Variants in KALRN observed in about 807,000 individuals in gnomAD.
KALRN encodes kalirin RhoGEF kinase.
Under a neutral mutation model 353.7 loss-of-function variants are expected in KALRN, and 70 were observed. The observed-to-expected ratio is 0.20, with a 90% CI of 0.16 to 0.24. The LOEUF is 0.24. KALRN is among the 10% of genes least tolerant of loss of function. The pLI is 1.00. For synonymous variants in KALRN, 1,391 were observed against 1,434.8 expected (o/e 0.97, Z 0.69); for missense variants, 2,791 against 3,756.7 (o/e 0.74, Z 6.72).
chr3:124,087,507 G>A (rs942545760), intron 1 of KALRN, among the ~76,000 whole-genome samples: 16 of 152,110 alleles, frequency 1.1e-4, no homozygotes, highest in Admixed American at 5.2e-4. Flanking sequence ...CGATCTCATC[G>A]AATCATGGGG....
chr3:124,486,248 G>A (rs9867038), intron 28 of KALRN, among the ~76,000 whole-genome samples: 58,600 of 151,938 alleles, frequency 0.39, 11,991 homozygotes, highest in Middle Eastern at 0.5. Flanking sequence ...AAATTGTTTT[G>A]GGCAGGGGGG....
At chr3:124,628,754 TTTTTTTTTTTTTTTTTG>T (rs71145466) in intron 34 of KALRN, among the ~76,000 whole-genome samples, 26,187 of 108,752 alleles carry the variant, frequency 0.24, 2,694 homozygotes, top group East Asian at 0.38. Flanking sequence ...TTTTTTTTTT[TTTTTTTTTTTTTTTTTG>T]TAGAGACGGA....
rs577733253 is a variant in KALRN, at chr3:124,072,753, G to A, written c.73+38940G>A. On this transcript the variant is annotated intron_variant, in intron 1 of 59. Transcript: ENST00000682506. ...ATCTCAGGGATATTGGCTGAAATGCGATTGTAATTTAGTAATATAAAACCT... is the reference window on the plus strand; with the variant it reads ...ATCTCAGGGATATTGGCTGAAATGCAATTGTAATTTAGTAATATAAAACCT... 1.2e-4 allele frequency among the ~76,000 whole-genome samples: 18 copies of A among 152,348 alleles called. No homozygotes were observed. The Middle Eastern group carries it at 0.01, about 86-fold the overall frequency.
intron 33 of KALRN, among the ~76,000 whole-genome samples, chr3:124,510,650 G>T (rs1260123507): frequency 6.6e-6 from 1 of 151,950 alleles, no homozygotes; most frequent in Non-Finnish European, 1.5e-5. Context: ...ACAAGTTCTG[G>T]ATCTCCTTCT....
intron 33 of KALRN, chr3:124,518,581 G>A: frequency 6.3e-7 from 1 of 1,597,442 alleles, no homozygotes; most frequent in Non-Finnish European, 8.5e-7. Context: ...GCTGGTGTGG[G>A]GTGCAGCCTT....
chr3:124,539,922 T>TTGG (rs760016132), intron 33 of KALRN, among the ~76,000 whole-genome samples: 13 of 132,006 alleles, frequency 9.8e-5, no homozygotes, highest in African/African-American at 2.2e-4. Flanking sequence ...TAATTTTTTT[T>TTGG]GGGGGGGGGG....
intron 6 of KALRN, among the ~76,000 whole-genome samples, chr3:124,303,243 CAT>C (rs2077407553): frequency 6.6e-6 from 1 of 152,044 alleles, no homozygotes; most frequent in Non-Finnish European, 1.5e-5. Flanking sequence ...TTTATCATAA[CAT>C]GTGTTTTTGA....
intron 3 of KALRN, among the ~76,000 whole-genome samples, chr3:124,242,592 A>G (rs2080608731): frequency 6.6e-6 from 1 of 152,200 alleles, no homozygotes; most frequent in Non-Finnish European, 1.5e-5. Flanking sequence ...GCGGTAGGGA[A>G]GGGCACCAAC....
Position 124,430,604 on chromosome 3 carries a change from C to G in KALRN, c.2710-52C>G. 6 of 1,604,436 alleles carry G rather than the reference C, an allele frequency of 3.7e-6. No homozygotes were observed. The South Asian group carries it at 6.6e-5, about 18-fold the overall frequency. ...GTCCCCATGAGAGGAGGCAACAGCT[C>G]TGGGGAAACTGCGGAAGGCCATTCA... On this transcript the variant is annotated intron_variant, in intron 15 of 59. Transcript: ENST00000682506.
intron 1 of KALRN, among the ~76,000 whole-genome samples, chr3:124,065,210 G>T (rs536439663): frequency 6.6e-6 from 1 of 152,200 alleles, no homozygotes; most frequent in Non-Finnish European, 1.5e-5. Flanking sequence ...ATATAGCATC[G>T]TGATGATAGG....
chr3:124,115,919 A>T (rs1468289591), intron 1 of KALRN, among the ~76,000 whole-genome samples: 1 of 152,232 alleles, frequency 6.6e-6, no homozygotes, highest in East Asian at 1.9e-4. Flanking sequence ...GATTGTCAAC[A>T]AAAATGGGGA....
intron 1 of KALRN, 82 bp from the exon 2 acceptor site, chr3:124,227,908 A>C: frequency 9.2e-7 from 1 of 1,086,558 alleles, no homozygotes; most frequent in Non-Finnish European, 1.4e-6. Context: ...TGATGATGGG[A>C]TTGGGAGACT....
intron 10 of KALRN, among the ~76,000 whole-genome samples, chr3:124,370,544 C>T (rs565270700): frequency 6.6e-5 from 10 of 152,318 alleles, no homozygotes; most frequent in African/African-American, 2.4e-4. Context: ...GGTCTTTGCT[C>T]TTGACCAGTC....
chr3:124,134,051 A>G (rs2065627974), intron 1 of KALRN, among the ~76,000 whole-genome samples: 1 of 152,172 alleles, frequency 6.6e-6, no homozygotes, highest in Admixed American at 6.5e-5. Context: ...TTTGGAACCA[A>G]AAAGAGAGCC....
chr3:124,507,650 A>G (rs1286755402), intron 33 of KALRN, among the ~76,000 whole-genome samples: 1 of 152,220 alleles, frequency 6.6e-6, no homozygotes, highest in Non-Finnish European at 1.5e-5. Context: ...TTCTGAGTTC[A>G]CACCCCAATT....
In KALRN at chr3:124,694,406, G is replaced by C. The variant is rs2061961116; in HGVS notation, c.7480G>C (p.Val2494Leu). Residue 2494 changes from valine to leucine, a missense_variant, in exon 53 of 60, where the codon GTC (valine) becomes CTC (leucine). Physicochemically the swap from Val to Leu is conservative, Grantham distance 32 (BLOSUM62 1). This residue lies in a region of KALRN where 1,065 missense variants were observed against 1,156.4 expected (regional missense o/e 0.92). Coordinates refer to ENST00000682506, the MANE Select transcript of KALRN (RefSeq NM_001388419.1). ...LGDTVILQCK[V>L]CGRPKPTITW... ...GGACACAGTGATACTGCAGTGCAAAGTCTGTGGGCGGCCAAAGCCCACCAT... is the reference window on the plus strand; with the variant it reads ...GGACACAGTGATACTGCAGTGCAAACTCTGTGGGCGGCCAAAGCCCACCAT... The C allele has an allele frequency of 6.2e-7, 1 of 1,614,240 alleles. No individual in the cohort carries two copies. The highest frequency in any genetic ancestry group is 8.5e-7 in the Non-Finnish European group (1 of 1,180,022).
intron 1 of KALRN, among the ~76,000 whole-genome samples, chr3:124,208,472 A>G (rs558933023): frequency 1.3e-5 from 2 of 152,282 alleles, no homozygotes; most frequent in African/African-American, 4.8e-5. Flanking sequence ...AAGTTAAAGG[A>G]AGGGCAGATA....
chr3:124,498,815 C>T (rs2064174990), intron 33 of KALRN, among the ~76,000 whole-genome samples: 1 of 152,064 alleles, frequency 6.6e-6, no homozygotes, highest in South Asian at 2.1e-4. Context: ...CTGCACTTTT[C>T]TTCTTCTGTT....
intron 34 of KALRN, among the ~76,000 whole-genome samples, chr3:124,631,743 G>C (rs1045239756): frequency 1.4e-4 from 22 of 152,116 alleles, no homozygotes; most frequent in Non-Finnish European, 2.9e-5. Flanking sequence ...AATCACTCTG[G>C]CTCAGAATCT....
Sources: gnomAD v4.1 joint callset for allele counts (sites outside exome capture counted in the v4.1 genomes callset) on GRCh38, gnomAD v4.1.1 for gene constraint, gnomAD v4.1.1 regional missense constraint, MANE v1.5 for transcripts, NCBI Gene and HGNC (gene_info 2026-07-23, HGNC 2026-07-21) for gene names.